Variants in ACTR3C observed in about 807,000 individuals in gnomAD.
The protein encoded by ACTR3C is actin-related protein 3C.
A neutral mutation model predicts 26.3 loss-of-function variants in ACTR3C; 18 were observed. That is an observed-to-expected ratio of 0.68 (90% CI 0.47 to 1.01). The LOEUF is 1.01. ACTR3C is among the 50% of genes least tolerant of loss of function. The pLI is 0.00. For missense variants in ACTR3C, 184 were observed against 250.7 expected, an observed-to-expected ratio of 0.73 and a Z score of 1.80; for synonymous variants, 55 against 94.5, an observed-to-expected ratio of 0.58 and a Z score of 2.42.
chr7:149,918,414 G>T, the ACTR3C span, among the ~76,000 whole-genome samples: 2 of 152,254 alleles, frequency 1.3e-5, no homozygotes, highest in Non-Finnish European at 2.9e-5. Context: ...ATTTAGGCCA[G>T]GCGCAGTGGC....
the ACTR3C span, among the ~76,000 whole-genome samples, chr7:150,087,033 A>T: frequency 9.2e-5 from 14 of 152,232 alleles, no homozygotes; most frequent in Non-Finnish European, 1.9e-4. Context: ...TTGTCCACAT[A>T]AAGTAAGAAT....
At chr7:150,089,199 T>C in the ACTR3C span, among the ~76,000 whole-genome samples, 4 of 152,310 alleles carry the variant, frequency 2.6e-5, no homozygotes, top group South Asian at 2.1e-4. Context: ...TTTTTTGTAC[T>C]CCCTATTGAG....
chr7:149,999,024 G>T, the ACTR3C span, among the ~76,000 whole-genome samples: 1 of 150,346 alleles, frequency 6.7e-6, no homozygotes, highest in Non-Finnish European at 1.5e-5. Flanking sequence ...TTGCCCTGCT[G>T]CCTCCACAAG....
At chr7:150,062,504 G>A in the ACTR3C span, among the ~76,000 whole-genome samples, 1 of 150,494 alleles carries the variant, frequency 6.6e-6, no homozygotes, top group Non-Finnish European at 1.5e-5. Flanking sequence ...ACTCGAGATG[G>A]GCAACAAGTA....
chr7:150,070,418 AGGG>A, the ACTR3C span, among the ~76,000 whole-genome samples: 60 of 152,332 alleles, frequency 3.9e-4, no homozygotes, highest in Middle Eastern at 3.4e-3. Context: ...AACATCGGTC[AGGG>A]GCAGAGAAAT....
chr7:150,145,107 CTAGAGAAA>C, the ACTR3C span, among the ~76,000 whole-genome samples: 14 of 148,362 alleles, frequency 9.4e-5, no homozygotes, highest in Non-Finnish European at 2.1e-4. Context: ...AGCAGCTCAC[CTAGAGAAA>C]TAACTGAGTG....
At chr7:150,236,789 C>A in the ACTR3C span, among the ~76,000 whole-genome samples, 3 of 149,492 alleles carry the variant, frequency 2.0e-5, no homozygotes, top group Admixed American at 2.0e-4. Flanking sequence ...CTTCCTAGGG[C>A]TTATTGGAAT....
At chr7:150,149,935 G>C in the ACTR3C span, among the ~76,000 whole-genome samples, 2 of 152,214 alleles carry the variant, frequency 1.3e-5, no homozygotes, top group African/African-American at 4.8e-5. Flanking sequence ...ACTTTTGAAA[G>C]TAGCCCGATT....
chr7:150,120,262 C>CA, the ACTR3C span, among the ~76,000 whole-genome samples: 3 of 152,078 alleles, frequency 2.0e-5, no homozygotes, highest in East Asian at 1.9e-4. Flanking sequence ...GATAGACACA[C>CA]AAAAAACCCT....
chr7:150,124,018 A>G, the ACTR3C span, among the ~76,000 whole-genome samples: 20,940 of 152,148 alleles, frequency 0.14, 1,767 homozygotes, highest in South Asian at 0.23. Context: ...CCTGACTTAG[A>G]AATAAAGTCC....
At chr7:150,179,432 G>A in the ACTR3C span, among the ~76,000 whole-genome samples, 58,909 of 114,214 alleles carry the variant, frequency 0.52, 14,682 homozygotes, top group African/African-American at 0.71. Flanking sequence ...AAAAAAAAAA[G>A]AAAGAAATTG....
At chr7:150,124,108 G>A in the ACTR3C span, among the ~76,000 whole-genome samples, 1 of 152,122 alleles carries the variant, frequency 6.6e-6, no homozygotes, top group East Asian at 1.9e-4. Context: ...ATGCTTCATT[G>A]TGACTTCCAG....
chr7:150,178,779 C>T, the ACTR3C span, among the ~76,000 whole-genome samples: 1 of 150,776 alleles, frequency 6.6e-6, no homozygotes, highest in East Asian at 1.9e-4. Context: ...AAAATGTCAA[C>T]CAATGAATTG....
the ACTR3C span, among the ~76,000 whole-genome samples, chr7:149,985,207 A>AACACACACACACACACACACACACAC: frequency 7.6e-6 from 1 of 130,804 alleles, no homozygotes; most frequent in African/African-American, 3.0e-5. Context: ...CAAACAAAGC[A>AACACACACACACACACACACACACAC]ACACACACAC....
chr7:150,040,220 G>C, the ACTR3C span, among the ~76,000 whole-genome samples: 6 of 147,946 alleles, frequency 4.1e-5, no homozygotes, highest in African/African-American at 1.5e-4. Context: ...CCCTCTAATA[G>C]GGGGGCCATC....
chr7:150,069,277 GTTTC>G, the ACTR3C span, among the ~76,000 whole-genome samples: 1 of 152,034 alleles, frequency 6.6e-6, no homozygotes, highest in East Asian at 1.9e-4. Context: ...TGACCTTTTT[GTTTC>G]TTTAAGTTCA....
the ACTR3C span, among the ~76,000 whole-genome samples, chr7:150,049,052 C>A: frequency 2.0e-5 from 3 of 152,094 alleles, no homozygotes. Context: ...TCACTGTGCC[C>A]GCCGAGAGCG....
chr7:149,944,889 AG>A, the ACTR3C span, among the ~76,000 whole-genome samples: 1 of 151,840 alleles, frequency 6.6e-6, no homozygotes, highest in Non-Finnish European at 1.5e-5. Context: ...GTCAAAGAAC[AG>A]GGTATAGAGA....
the ACTR3C span, among the ~76,000 whole-genome samples, chr7:149,915,518 T>TTTTTTTTTG: frequency 2.9e-4 from 5 of 17,164 alleles, no homozygotes; most frequent in Non-Finnish European, 8.8e-4. Context: ...GTCCATTTTG[T>TTTTTTTTTG]TTTTTTTGTT....
Sources: gnomAD v4.1 joint callset for allele counts (sites outside exome capture counted in the v4.1 genomes callset) on GRCh38, gnomAD v4.1.1 for gene constraint, MANE v1.5 for transcripts, NCBI Gene and HGNC (gene_info 2026-07-23, HGNC 2026-07-21) for gene names.